RASAL2: variants seen among roughly 807,000 people sequenced by gnomAD.
The protein encoded by RASAL2 is ras GTPase-activating protein nGAP.
Under a neutral mutation model 128.9 loss-of-function variants are expected in RASAL2, and 58 were observed. The observed-to-expected ratio is 0.45, with a 90% CI of 0.36 to 0.56. The LOEUF (loss-of-function observed/expected upper bound fraction) is 0.56. Among genes scored for constraint, RASAL2 ranks in the 20% least tolerant of loss-of-function variants. The probability of loss-of-function intolerance (pLI) is 0.00; values close to 1 mark genes in which losing one functional copy is unlikely to be tolerated. For missense variants in RASAL2, 1,360 were observed against 1,601.6 expected (o/e 0.85, Z 2.57); for synonymous variants, 561 against 580.8 (o/e 0.97, Z 0.49).
At chr1:178,162,065 C>T (rs933808933) in intron 1 of RASAL2, among the ~76,000 whole-genome samples, 6 of 149,884 alleles carry the variant, frequency 4.0e-5, no homozygotes, top group African/African-American at 9.8e-5. Flanking sequence ...CTCAGCTTCA[C>T]GCCATTCTCC....
intron 1 of RASAL2, among the ~76,000 whole-genome samples, chr1:178,272,024 T>C (rs997516984): frequency 7.2e-5 from 11 of 152,336 alleles, no homozygotes; most frequent in Admixed American, 5.2e-4. Context: ...TGCCCAAGCC[T>C]AAGTCTATTG....
At chr1:178,282,811 CTTATAAA>C (rs1302502386) in intron 1 of RASAL2, among the ~76,000 whole-genome samples, 1 of 152,038 alleles carries the variant, frequency 6.6e-6, no homozygotes, top group Non-Finnish European at 1.5e-5. Flanking sequence ...CTAATGTGTA[CTTATAAA>C]TTAAAATATG....
chr1:178,181,848 G>A (rs1314776507), intron 1 of RASAL2, among the ~76,000 whole-genome samples: 1 of 151,808 alleles, frequency 6.6e-6, no homozygotes, highest in East Asian at 1.9e-4. Context: ...AAGGTAAAGT[G>A]CCATTTTCAT....
At chr1:178,214,210 T>C (rs1283333898) in intron 1 of RASAL2, among the ~76,000 whole-genome samples, 1 of 152,062 alleles carries the variant, frequency 6.6e-6, no homozygotes, top group Non-Finnish European at 1.5e-5. Context: ...TTCAAGGCTA[T>C]AGTGAACGAG....
chr1:178,469,014 T>G (rs1445629304), intron 17 of RASAL2, among the ~76,000 whole-genome samples: 1 of 152,204 alleles, frequency 6.6e-6, no homozygotes, highest in Non-Finnish European at 1.5e-5. Flanking sequence ...AGTATCAGTC[T>G]TGGCCAGGCA....
At chr1:178,386,112 A>G (rs1672552252) in intron 3 of RASAL2, among the ~76,000 whole-genome samples, 1 of 152,204 alleles carries the variant, frequency 6.6e-6, no homozygotes, top group Non-Finnish European at 1.5e-5. Flanking sequence ...GCAGAAATTG[A>G]CTTCTGTTTG....
At chr1:178,416,877 C>T (rs1482214324) in intron 4 of RASAL2, among the ~76,000 whole-genome samples, 1 of 151,440 alleles carries the variant, frequency 6.6e-6, no homozygotes, top group African/African-American at 2.4e-5. Flanking sequence ...GTGTTTTTTC[C>T]TTCTGGCTTC....
In RASAL2 at chr1:178,476,258, AG is replaced by A. The variant is rs1252821998; in HGVS notation, c.*3021del. 7 of 152,240 alleles carry A rather than the reference AG, an allele frequency of 4.6e-5. No individual in the cohort carries two copies. The highest frequency in any genetic ancestry group is 1.0e-4 in the Non-Finnish European group (7 of 68,036). 9.4% of individuals were successfully genotyped at this position (152,240 alleles called of 1,614,324 possible). A position where few individuals can be genotyped will look rare whatever the true frequency, so the allele number is the denominator to read the frequency against. ...CTGACAACAGACTTGACCATTAATGAGGACAGTGTTGGTAGGAGTCAGAAAA... is the reference window on the plus strand; with the variant it reads ...CTGACAACAGACTTGACCATTAATGAGACAGTGTTGGTAGGAGTCAGAAAA... On this transcript the variant is annotated 3_prime_UTR_variant, in exon 18 of 18. Transcript: ENST00000367649.
At chr1:178,259,280 G>A (rs367709352) in intron 1 of RASAL2, among the ~76,000 whole-genome samples, 11 of 151,536 alleles carry the variant, frequency 7.3e-5, no homozygotes, top group South Asian at 4.2e-4. Context: ...ACAGGCGCCC[G>A]CCACCACGCC....
At chr1:178,323,764 TA>T (rs1668901670) in intron 3 of RASAL2, among the ~76,000 whole-genome samples, 2 of 152,220 alleles carry the variant, frequency 1.3e-5, no homozygotes, top group Non-Finnish European at 2.9e-5. Context: ...TGAAGTATCT[TA>T]ATGAAAGGAA....
At chr1:178,468,541 G>T (rs1434863374) in intron 17 of RASAL2, among the ~76,000 whole-genome samples, 1 of 152,170 alleles carries the variant, frequency 6.6e-6, no homozygotes, top group Non-Finnish European at 1.5e-5. Context: ...TGGAAAGAAT[G>T]CTTCATGGGC....
intron 1 of RASAL2, among the ~76,000 whole-genome samples, chr1:178,204,474 C>T (rs1241275626): frequency 6.6e-6 from 1 of 152,142 alleles, no homozygotes; most frequent in African/African-American, 2.4e-5. Flanking sequence ...TGACCCTGTT[C>T]CTCAAGGATA....
chr1:178,368,198 A>G (rs1027860808), intron 3 of RASAL2, among the ~76,000 whole-genome samples: 2 of 152,234 alleles, frequency 1.3e-5, no homozygotes, highest in Non-Finnish European at 2.9e-5. Flanking sequence ...CCAAGCCTTC[A>G]GAAGTTTACG....
intron 1 of RASAL2, among the ~76,000 whole-genome samples, chr1:178,187,936 A>G (rs1662361902): frequency 6.6e-6 from 1 of 151,980 alleles, no homozygotes; most frequent in African/African-American, 2.4e-5. Flanking sequence ...TTTTTTTTCT[A>G]GGACTAATTT....
intron 3 of RASAL2, among the ~76,000 whole-genome samples, chr1:178,335,443 T>C (rs950363735): frequency 1.3e-5 from 2 of 152,286 alleles, no homozygotes; most frequent in East Asian, 3.9e-4. Flanking sequence ...CATTTTCTCT[T>C]GAATTTGATT....
chr1:178,157,957 A>C (rs1182013029), intron 1 of RASAL2, among the ~76,000 whole-genome samples: 1 of 152,164 alleles, frequency 6.6e-6, no homozygotes, highest in African/African-American at 2.4e-5. Context: ...TTTAAAAAAA[A>C]CACCTTGCTA....
Position 178,332,791 on chromosome 1 carries a change from T to C in RASAL2, c.457+32673T>C, listed in dbSNP as rs553057269. On this transcript the variant is annotated intron_variant, in intron 3 of 17. Coordinates refer to ENST00000367649, the MANE Select transcript of RASAL2 (RefSeq NM_170692.4). ...CACGCCCAGCTAATTCTTTTTTGTA[T>C]TTTTAGTAGAGACGGGGTTTCACCG... Among the ~76,000 whole-genome samples, 103 of 151,410 alleles carry C rather than the reference T, an allele frequency of 6.8e-4. 1 individual carries two copies. In the South Asian group the frequency reaches 0.021, roughly 30 times the overall value.
At chr1:178,258,979 G>A in intron 1 of RASAL2, among the ~76,000 whole-genome samples, 1 of 152,024 alleles carries the variant, frequency 6.6e-6, no homozygotes, top group East Asian at 1.9e-4. Context: ...ATTATATTAT[G>A]TTAAGTGAAA....
intron 12 of RASAL2, among the ~76,000 whole-genome samples, chr1:178,454,994 T>C (rs1677663227): frequency 6.6e-6 from 1 of 152,148 alleles, no homozygotes; most frequent in Non-Finnish European, 1.5e-5. Context: ...AAACCTCATA[T>C]AGTAATTTCT....
Sources: gnomAD v4.1 joint callset for allele counts (sites outside exome capture counted in the v4.1 genomes callset) on GRCh38, gnomAD v4.1.1 for gene constraint, MANE v1.5 for transcripts, NCBI Gene and HGNC (gene_info 2026-07-23, HGNC 2026-07-21) for gene names.